Variants in JAKMIP1 observed in about 807,000 individuals in gnomAD.
JAKMIP1 encodes the protein janus kinase and microtubule-interacting protein 1.
A neutral mutation model predicts 113.0 loss-of-function variants in JAKMIP1; 33 were observed. The ratio of observed to expected loss-of-function variants is 0.29; its 90% CI spans 0.22 to 0.39. JAKMIP1 has a LOEUF of 0.39. Ranked by LOEUF, JAKMIP1 falls within the 10% of genes least tolerant of loss-of-function variation. JAKMIP1 has a pLI of 1.00. For missense variants in JAKMIP1, 813 were observed against 1,080.5 expected, an observed-to-expected ratio of 0.75 and a Z score of 3.47; for synonymous variants, 480 against 459.9, an observed-to-expected ratio of 1.04 and a Z score of -0.56.
chr4:6,098,558 GAAAGAAAGAA>G (rs1158188204), intron 3 of JAKMIP1, among the ~76,000 whole-genome samples: 1 of 4,228 alleles, frequency 2.4e-4, no homozygotes, highest in African/African-American at 2.5e-4. Flanking sequence ...AAGAAAGAAA[GAAAGAAAGAA>G]AGAAAGAAAG....
chr4:6,126,360 AAC>A (rs1717609243), intron 1 of JAKMIP1, among the ~76,000 whole-genome samples: 1 of 140,352 alleles, frequency 7.1e-6, no homozygotes, highest in Non-Finnish European at 1.5e-5. Flanking sequence ...ACCATGCAGA[AAC>A]ACACACATGC....
intron 3 of JAKMIP1, among the ~76,000 whole-genome samples, chr4:6,090,453 A>T (rs1035031765): frequency 6.6e-6 from 1 of 152,204 alleles, no homozygotes; most frequent in Non-Finnish European, 1.5e-5. Flanking sequence ...CCGTAGAGAA[A>T]ATAAATGTCA....
chr4:6,081,540 G>T lies in JAKMIP1; in HGVS notation c.1101+69C>A. ...CGCCCCAGAACATGTGAATCGGGAG[G>T]TTCAGGGCTGAAGAATCCCAGACAG... On this transcript the variant is annotated intron_variant, in intron 6 of 20. Coordinates refer to ENST00000409021, the MANE Select transcript of JAKMIP1 (RefSeq NM_001099433.2). This position sits in a 1 kb window ranked among gnomAD's most constrained non-coding sequence, Gnocchi z 4.6. 1.9e-6 allele frequency: 3 copies of T among 1,581,862 alleles called. No homozygotes were observed. Among genetic ancestry groups the T allele is most frequent in the South Asian group, 2.3e-5 (2 of 87,268 alleles).
Position 6,059,063 on chromosome 4 carries a change from T to TAACA in JAKMIP1, c.1644+1360_1644+1361insTGTT, listed in dbSNP as rs1347632246. ...AAGAGATTATGTTACTTGCCCAAGG[T>TAACA]TATGCAACAAGGAAGTGGCAGAGCT... On this transcript the variant is annotated intron_variant, in intron 11 of 20. Transcript: ENST00000409021. This position sits in a 1 kb window ranked among gnomAD's most constrained non-coding sequence, Gnocchi z 4.8. Among the ~76,000 whole-genome samples the TAACA allele has an allele frequency of 1.3e-5, 2 of 152,204 alleles. No individual in the cohort carries two copies. Among genetic ancestry groups the TAACA allele is most frequent in the African/African-American group, 4.8e-5 (2 of 41,452 alleles).
chr4:6,030,051 G>A (rs965727090), intron 19 of JAKMIP1, among the ~76,000 whole-genome samples: 3 of 152,136 alleles, frequency 2.0e-5, no homozygotes, highest in African/African-American at 7.2e-5. Flanking sequence ...ATAATGGATC[G>A]TGCCTGTTCT....
chr4:6,163,260 C>T (rs1024976674), intron 1 of JAKMIP1, among the ~76,000 whole-genome samples: 10 of 152,244 alleles, frequency 6.6e-5, no homozygotes, highest in Admixed American at 4.6e-4. Flanking sequence ...CAAGTCTATC[C>T]GTGTCATTTT....
intron 1 of JAKMIP1, among the ~76,000 whole-genome samples, chr4:6,189,929 G>A (rs77104506): frequency 0.013 from 2,028 of 152,328 alleles, 45 homozygotes; most frequent in African/African-American, 0.046. Context: ...TGCTGCAGGC[G>A]TGGCAGGAGA....
At chr4:6,132,408 G>A (rs1284996555) in intron 1 of JAKMIP1, among the ~76,000 whole-genome samples, 3 of 152,144 alleles carry the variant, frequency 2.0e-5, no homozygotes, top group East Asian at 1.9e-4. Flanking sequence ...TTGGGAGGCC[G>A]AGGCGGGCAG....
At chr4:6,118,741 C>G (rs148620395) in intron 1 of JAKMIP1, among the ~76,000 whole-genome samples, 4 of 152,030 alleles carry the variant, frequency 2.6e-5, no homozygotes, top group African/African-American at 7.2e-5. Context: ...AGGAGGCAAG[C>G]GCAGAGCTCT....
At chr4:6,191,379 G>A (rs572845591) in intron 1 of JAKMIP1, among the ~76,000 whole-genome samples, 135 of 152,298 alleles carry the variant, frequency 8.9e-4, no homozygotes, top group South Asian at 3.1e-3. Flanking sequence ...TAGTGGCTGG[G>A]TCAGCCTCTG....
intron 1 of JAKMIP1, among the ~76,000 whole-genome samples, chr4:6,124,613 T>C (rs1287911005): frequency 6.6e-6 from 1 of 152,130 alleles, no homozygotes. Context: ...GGAGTGACCC[T>C]CCCCACCGTT....
Position 6,143,307 on chromosome 4 carries a change from T to C in JAKMIP1, c.-147-30310A>G, listed in dbSNP as rs1189041429. Among the ~76,000 whole-genome samples, 3 of 152,220 alleles carry C rather than the reference T, an allele frequency of 2.0e-5. No individual in the cohort carries two copies. Among genetic ancestry groups the C allele is most frequent in the African/African-American group, 7.2e-5 (3 of 41,462 alleles). ...TGAACAGACTTGGGGGCTTCCTGAC[T>C]TCCTGTCTGAATCTCAGCCAATTCT... On this transcript the variant is annotated intron_variant, in intron 1 of 20. Transcript: ENST00000409021. The surrounding 1 kb of genome is among the most constrained non-coding windows in gnomAD (Gnocchi z 4.9).
intron 1 of JAKMIP1, among the ~76,000 whole-genome samples, chr4:6,121,754 T>A (rs1314491538): frequency 6.6e-6 from 1 of 152,198 alleles, no homozygotes; most frequent in African/African-American, 2.4e-5. Flanking sequence ...AAAGCTAACA[T>A]TGATTTTTAT....
rs139371269 is a variant in JAKMIP1 at position 6,034,773 on chromosome 4, C to G, written c.2379+1131G>C. Among the ~76,000 whole-genome samples the G allele has an allele frequency of 3.6e-3, 548 of 152,268 alleles. 1 individual carries two copies. Among genetic ancestry groups the G allele is most frequent in the African/African-American group, 0.013 (524 of 41,546 alleles). ...CTGAGATCGTCCCACTACACTCCAG[C>G]CTGGGTGATAAAGTGAGACTCCATT... On this transcript the variant is annotated intron_variant, in intron 19 of 20. Coordinates refer to ENST00000409021, the MANE Select transcript of JAKMIP1 (RefSeq NM_001099433.2).
At chr4:6,122,747 G>A (rs943643663) in intron 1 of JAKMIP1, among the ~76,000 whole-genome samples, 1 of 152,172 alleles carries the variant, frequency 6.6e-6, no homozygotes, top group Non-Finnish European at 1.5e-5. Context: ...ATGGAGGTCA[G>A]GGAGGGGGAT....
chr4:6,037,398 C>T lies in JAKMIP1; in HGVS notation c.2176-1291G>A, dbSNP rs1166480026. 5.5e-4 allele frequency among the ~76,000 whole-genome samples: 56 copies of T among 102,420 alleles called. 1 individual carries two copies. Among genetic ancestry groups the T allele is most frequent in the Non-Finnish European group, 8.2e-4 (44 of 53,638 alleles). 67.2% of individuals were successfully genotyped at this position (102,420 alleles called of 152,430 possible). On this transcript the variant is annotated intron_variant, in intron 18 of 20. Coordinates refer to ENST00000409021, the MANE Select transcript of JAKMIP1 (RefSeq NM_001099433.2). ...AGGCTAACCAGTATCCCTCCATCACCGAGGCAGAGGTTAACCCAGTAGCCC... is the reference window on the plus strand; with the variant it reads ...AGGCTAACCAGTATCCCTCCATCACTGAGGCAGAGGTTAACCCAGTAGCCC...
rs922593597 is a variant in JAKMIP1, at chr4:6,136,542, T to A, written c.-147-23545A>T. Reference sequence around the variant, plus strand: ...CCCATATTTTGTATCTGAGACAATTTGGGCACTGAGCGACTAAGTTCCTGT... The same window carrying A: ...CCCATATTTTGTATCTGAGACAATTAGGGCACTGAGCGACTAAGTTCCTGT... On this transcript the variant is annotated intron_variant, in intron 1 of 20. Transcript: ENST00000409021. The surrounding 1 kb of genome is among the most constrained non-coding windows in gnomAD (Gnocchi z 5.9). Among the ~76,000 whole-genome samples the A allele has an allele frequency of 2.6e-5, 4 of 152,128 alleles. No individual in the cohort carries two copies. Among genetic ancestry groups the A allele is most frequent in the African/African-American group, 9.7e-5 (4 of 41,436 alleles).
chr4:6,049,713 C>T lies in JAKMIP1; in HGVS notation c.1962+106G>A. 2 of 842,562 alleles carry T rather than the reference C, an allele frequency of 2.4e-6. No individual in the cohort carries two copies. Among genetic ancestry groups the T allele is most frequent in the East Asian group, 2.6e-5 (1 of 38,942 alleles). 52.2% of individuals were successfully genotyped at this position (842,562 alleles called of 1,614,324 possible). On this transcript the variant is annotated intron_variant, in intron 15 of 20. Coordinates refer to ENST00000409021, the MANE Select transcript of JAKMIP1 (RefSeq NM_001099433.2). The surrounding 1 kb of genome is among the most constrained non-coding windows in gnomAD (Gnocchi z 7.0). Reference sequence around the variant, plus strand: ...AAGCCTTACATTGTACTTCTTAGATCTCTTACATCAGAGAGAAATTAAAAA... The same window carrying T: ...AAGCCTTACATTGTACTTCTTAGATTTCTTACATCAGAGAGAAATTAAAAA...
Position 6,061,679 on chromosome 4 carries a change from T to G in JAKMIP1, c.1560+633A>C. Among the ~76,000 whole-genome samples, 1 of 123,642 alleles carries G rather than the reference T, an allele frequency of 8.1e-6. No homozygotes were observed. Among genetic ancestry groups the G allele is most frequent in the South Asian group, 3.0e-4 (1 of 3,308 alleles). 81.1% of individuals were successfully genotyped at this position (123,642 alleles called of 152,430 possible). A position where few individuals can be genotyped will look rare whatever the true frequency, so the allele number is the denominator to read the frequency against. On this transcript the variant is annotated intron_variant, in intron 10 of 20. Coordinates refer to ENST00000409021, the MANE Select transcript of JAKMIP1 (RefSeq NM_001099433.2). This position sits in a 1 kb window ranked among gnomAD's most constrained non-coding sequence, Gnocchi z 5.3. ...AATTCCTCCTGCTTCAGGGGGCCAG[T>G]GTGGGGGTGAGATGGGGGAGGGGAT...
Sources: gnomAD v4.1 joint callset for allele counts (sites outside exome capture counted in the v4.1 genomes callset) on GRCh38, gnomAD v4.1.1 for gene constraint, Gnocchi (gnomAD v3.1) non-coding constraint, MANE v1.5 for transcripts, NCBI Gene and HGNC (gene_info 2026-07-23, HGNC 2026-07-21) for gene names.